The following EIF2AK1 variants were observed in gnomAD, a reference collection of about 807,000 sequenced individuals.
The protein encoded by EIF2AK1 is eukaryotic translation initiation factor 2-alpha kinase 1.
In EIF2AK1, 54 loss-of-function variants were observed where a neutral mutation model predicts 77.9. The ratio of observed to expected loss-of-function variants is 0.69; its 90% CI spans 0.56 to 0.87. The LOEUF (loss-of-function observed/expected upper bound fraction) is 0.87. EIF2AK1 is among the 40% of genes least tolerant of loss of function. The probability of loss-of-function intolerance (pLI) is 0.00; values close to 1 mark genes in which losing one functional copy is unlikely to be tolerated. For missense variants in EIF2AK1, 810 were observed against 768.6 expected (o/e 1.05, Z -0.64); for synonymous variants, 314 against 290.5 (o/e 1.08, Z -0.82).
In EIF2AK1 at chr7:6,048,854, A is replaced by G. The variant is rs780041750; in HGVS notation, c.412-10T>C. 3.2e-6 allele frequency: 5 copies of G among 1,571,974 alleles called. No homozygotes were observed. The highest frequency in any genetic ancestry group is 4.3e-6 in the Non-Finnish European group (5 of 1,165,714). Reference sequence around the variant, plus strand: ...TATCCTCACAAGGATCCTACAATTAAAAAATTGTTTTTAAAAAGCATTTTG... The same window carrying G: ...TATCCTCACAAGGATCCTACAATTAGAAAATTGTTTTTAAAAAGCATTTTG... On this transcript the variant is annotated splice_polypyrimidine_tract_variant and intron_variant, in intron 3 of 14. Transcript: ENST00000199389.
At position 6,024,647 on chromosome 7, in the gene EIF2AK1, A is replaced by G; in HGVS notation, c.*26T>C. On this transcript the variant is annotated 3_prime_UTR_variant, in exon 15 of 15. Coordinates refer to ENST00000199389, the MANE Select transcript of EIF2AK1 (RefSeq NM_014413.4). The stretch of plus-strand genomic sequence containing the variant: ...AAGATTAAAAATTTACATTCCAGTT[A>G]ACTACCTTAAAAGTTAAGTCCACTT... 1 of 1,613,664 alleles carries G rather than the reference A, an allele frequency of 6.2e-7. No homozygotes were observed. Among genetic ancestry groups the G allele is most frequent in the South Asian group, 1.1e-5 (1 of 91,008 alleles).
Position 6,032,495 on chromosome 7 carries a change from GTTAAT to G in EIF2AK1, c.1333-3468_1333-3464del, listed in dbSNP as rs1266281434. On this transcript the variant is annotated intron_variant, in intron 11 of 14. Transcript: ENST00000199389. The surrounding 1 kb of genome is among the most constrained non-coding windows in gnomAD (Gnocchi z 4.3). ...CACCTACTTGTCCATCACCCTGTGG[GTTAAT>G]TTAAGGAATAAGTGACTTCATAGCA... Among the ~76,000 whole-genome samples, 2 of 152,194 alleles carry G rather than the reference GTTAAT, an allele frequency of 1.3e-5. No individual in the cohort carries two copies. The highest frequency in any genetic ancestry group is 2.9e-5 in the Non-Finnish European group (2 of 68,032).
chr7:6,058,703 G>A (rs925648179), intron 1 of EIF2AK1, among the ~76,000 whole-genome samples: 3 of 152,202 alleles, frequency 2.0e-5, no homozygotes, highest in African/African-American at 7.2e-5. Context: ...GCCATCCGAA[G>A]GCCTCAGTCC....
rs188260684 is a variant in EIF2AK1 at position 6,027,361 on chromosome 7, T to C, written c.1531-400A>G. 6.6e-6 allele frequency among the ~76,000 whole-genome samples: 1 copy of C among 152,312 alleles called. No homozygotes were observed. Among genetic ancestry groups the C allele is most frequent in the East Asian group, 1.9e-4 (1 of 5,178 alleles). On this transcript the variant is annotated intron_variant, in intron 13 of 14. Coordinates refer to ENST00000199389, the MANE Select transcript of EIF2AK1 (RefSeq NM_014413.4). This position sits in a 1 kb window ranked among gnomAD's most constrained non-coding sequence, Gnocchi z 4.5. Reference sequence around the variant, plus strand: ...TCTCACCTCTGCCTCCACTCATTCTTACCAAGTGTCCTTGGTGACATTTAA... The same window carrying C: ...TCTCACCTCTGCCTCCACTCATTCTCACCAAGTGTCCTTGGTGACATTTAA...
chr7:6,024,681 C>G lies in EIF2AK1; in HGVS notation c.1885G>C (p.Val629Leu), dbSNP rs372782357. The change falls in exon 15 of 15, where the codon GTG (valine) becomes CTG (leucine). Residue 629 changes from valine (V) to leucine (L), a missense_variant. This residue lies in a region of EIF2AK1 where 549 missense variants were observed against 533.7 expected (regional missense o/e 1.03). Coordinates refer to ENST00000199389, the MANE Select transcript of EIF2AK1 (RefSeq NM_014413.4). The stretch of plus-strand genomic sequence containing the variant: ...AAAAGTTAAGTCCACTTTCATCCCA[C>G]GCCCCCATCCTTTCCGTCATCCCTC... ...GVRDDGKDGG[V>L]G 1 of 1,613,618 alleles carries G rather than the reference C, an allele frequency of 6.2e-7. No homozygotes were observed. Among genetic ancestry groups the G allele is most frequent in the Non-Finnish European group, 8.5e-7 (1 of 1,179,882 alleles).
chr7:6,028,738 G>A lies in EIF2AK1; in HGVS notation c.1448-41C>T, dbSNP rs1438765841. 1.5e-5 allele frequency: 23 copies of A among 1,577,930 alleles called. 1 individual carries two copies. Among genetic ancestry groups the A allele is most frequent in the African/African-American group, 6.7e-5 (5 of 74,102 alleles). ...CCACATATTAAACATTGCAGTTAGC[G>A]CTGTCAACATTAAAGAACATTTACT... is the stretch of plus-strand genomic sequence containing the variant. On this transcript the variant is annotated intron_variant, in intron 12 of 14. Transcript: ENST00000199389.
intron 2 of EIF2AK1, among the ~76,000 whole-genome samples, 182 bp downstream of exon 2, chr7:6,054,364 C>T (rs568455122): frequency 4.6e-5 from 7 of 152,164 alleles, no homozygotes; most frequent in African/African-American, 1.4e-4. Flanking sequence ...CCACAACACC[C>T]GGCTAATTTC....
At chr7:6,040,837 A>T in intron 9 of EIF2AK1, 55 bp downstream of exon 9, 1 of 1,427,542 alleles carries the variant, frequency 7.0e-7, no homozygotes, top group East Asian at 2.3e-5. Context: ...AAGGCCACAC[A>T]CCTGCACAGT....
rs776496452 is a variant in EIF2AK1 at position 6,022,762 on chromosome 7, C to G, written c.*1911G>C. ...GGGGAGTCATGGCTATCACAGCCAT[C>G]TTGCCCTCACATTCAAGAACTTACC... On this transcript the variant is annotated 3_prime_UTR_variant, in exon 15 of 15. Transcript: ENST00000199389. 27 of 152,670 alleles carry G rather than the reference C, an allele frequency of 1.8e-4. No individual in the cohort carries two copies. Among genetic ancestry groups the G allele is most frequent in the Non-Finnish European group, 3.7e-4 (25 of 68,424 alleles). The allele number at this position is 152,670 out of a possible 1,614,324, so 9.5% of individuals were successfully genotyped here.
intron 11 of EIF2AK1, among the ~76,000 whole-genome samples, chr7:6,030,820 C>A (rs1787889043): frequency 6.6e-6 from 1 of 152,028 alleles, no homozygotes; most frequent in Non-Finnish European, 1.5e-5. Context: ...TTTAAAAGCT[C>A]CCAGATAACT....
chr7:6,041,566 G>C (rs1056293424), intron 8 of EIF2AK1, among the ~76,000 whole-genome samples: 1 of 151,950 alleles, frequency 6.6e-6, no homozygotes, highest in Non-Finnish European at 1.5e-5. Context: ...AGTCGGCCGG[G>C]TGCAGTGGCT....
In EIF2AK1 at chr7:6,032,737, A is replaced by C; in HGVS notation, c.1333-3705T>G. On this transcript the variant is annotated intron_variant, in intron 11 of 14. Coordinates refer to ENST00000199389, the MANE Select transcript of EIF2AK1 (RefSeq NM_014413.4). The surrounding 1 kb of genome is among the most constrained non-coding windows in gnomAD (Gnocchi z 4.3). The stretch of plus-strand genomic sequence containing the variant: ...ATACCAGAAAAAGAGTGAGCCAATG[A>C]GACACTAAATAAATGTATTGCCTTT... The C allele has an allele frequency of 1.1e-6, 1 of 898,128 alleles. No homozygotes were observed. The allele number at this position is 898,128 out of a possible 1,614,324, so 55.6% of individuals were successfully genotyped here.
intron 11 of EIF2AK1, chr7:6,031,483 C>T (rs1250650693): frequency 1.9e-6 from 3 of 1,550,716 alleles, no homozygotes; most frequent in African/African-American, 1.4e-5. Flanking sequence ...ATGAAGCCAT[C>T]ATGAGAGAAG....
intron 1 of EIF2AK1, among the ~76,000 whole-genome samples, chr7:6,055,676 T>TAAAA (rs34819894): frequency 3.4e-5 from 4 of 116,254 alleles, no homozygotes; most frequent in African/African-American, 1.3e-4. Context: ...ACTAAACAGG[T>TAAAA]AAAAAAAAAA....
Position 6,040,943 on chromosome 7 carries a change from T to A in EIF2AK1, c.1068A>T (p.Thr356=). The change falls in exon 9 of 15, where the codon ACA becomes ACT. Residue 356 remains threonine (T), a synonymous_variant. Coordinates refer to ENST00000199389, the MANE Select transcript of EIF2AK1 (RefSeq NM_014413.4). The stretch of plus-strand genomic sequence containing the variant: ...TTTCTTCGGAAGATTCTTCGGTGGA[T>A]GTGAAACTCTCCTCTAGGTGGGAAT... ...RRNSHLEESF[T]STEESSEENV... is the part of the protein sequence containing the mutation. 1.2e-6 allele frequency: 2 copies of A among 1,614,162 alleles called. No individual in the cohort carries two copies.
chr7:6,037,412 G>A lies in EIF2AK1; in HGVS notation c.1332+12C>T, dbSNP rs770821929. On this transcript the variant is annotated intron_variant, in intron 11 of 14. Coordinates refer to ENST00000199389, the MANE Select transcript of EIF2AK1 (RefSeq NM_014413.4). Reference sequence around the variant, plus strand: ...TCCCACTGCTTTCAATGATTTCATCGCCCCCACTTACCTTCAGATCTCGGT... The same window carrying A: ...TCCCACTGCTTTCAATGATTTCATCACCCCCACTTACCTTCAGATCTCGGT... The A allele has an allele frequency of 5.8e-6, 9 of 1,558,154 alleles. No individual in the cohort carries two copies. In the East Asian group the frequency reaches 6.8e-5, roughly 12 times the overall value.
chr7:6,041,365 C>G, intron 8 of EIF2AK1, 146 bp from the exon 9 acceptor site: 2 of 806,284 alleles, frequency 2.5e-6, no homozygotes, highest in Non-Finnish European at 3.8e-6. Context: ...ATGGTAAAAC[C>G]CCATCTCAAC....
At chr7:6,051,273 C>CTT (rs34563208) in intron 2 of EIF2AK1, among the ~76,000 whole-genome samples, 59 of 137,458 alleles carry the variant, frequency 4.3e-4, no homozygotes, top group East Asian at 3.4e-3. Flanking sequence ...TTTTTTCTTT[C>CTT]TTTTTTTTTT....
Position 6,048,802 on chromosome 7 carries a change from C to A in EIF2AK1, c.449+5G>T, listed in dbSNP as rs765659425. On this transcript the variant is annotated splice_donor_5th_base_variant and intron_variant, in intron 4 of 14. Coordinates refer to ENST00000199389, the MANE Select transcript of EIF2AK1 (RefSeq NM_014413.4). ...TGCATAATCAAGAAAGTTTTTCACA[C>A]ATACCTGATTTTCTGGATACGAGAA... 2 of 1,584,892 alleles carry A rather than the reference C, an allele frequency of 1.3e-6. No individual in the cohort carries two copies. Among genetic ancestry groups the A allele is most frequent in the Non-Finnish European group, 1.7e-6 (2 of 1,170,618 alleles).
Sources: gnomAD v4.1 joint callset for allele counts (sites outside exome capture counted in the v4.1 genomes callset) on GRCh38, gnomAD v4.1.1 for gene constraint, gnomAD v4.1.1 regional missense constraint, Gnocchi (gnomAD v3.1) non-coding constraint, MANE v1.5 for transcripts, NCBI Gene and HGNC (gene_info 2026-07-23, HGNC 2026-07-21) for gene names.